Variants in EPHA4 observed in about 807,000 individuals in gnomAD.
EPHA4 encodes the protein EPH receptor A4.
A neutral mutation model predicts 108.3 loss-of-function variants in EPHA4; 19 were observed. The observed-to-expected ratio is 0.18, with a 90% CI of 0.12 to 0.26. The LOEUF is 0.26. Ranked by LOEUF, EPHA4 falls within the 10% of genes least tolerant of loss-of-function variation. The pLI is 1.00. For synonymous variants in EPHA4, 449 were observed against 455.5 expected (o/e 0.99, Z 0.18); for missense variants, 917 against 1,254.0 (o/e 0.73, Z 4.06).
Position 221,418,042 on chromosome 2 carries a change from C to A in EPHA4, c.*3330G>T, listed in dbSNP as rs748699310. 6.6e-6 allele frequency: 1 copy of A among 152,546 alleles called. No homozygotes were observed. The highest frequency in any genetic ancestry group is 1.5e-5 in the Non-Finnish European group (1 of 68,026). 9.4% of individuals were successfully genotyped at this position (152,546 alleles called of 1,614,324 possible). A position where few individuals can be genotyped will look rare whatever the true frequency, so the allele number is the denominator to read the frequency against. ...GACAACCAGATTGCAGGGTTGTATA[C>A]GGCAACTACTTTATTATTTTCAAAT... On this transcript the variant is annotated 3_prime_UTR_variant, in exon 18 of 18. Transcript: ENST00000281821.
intron 5 of EPHA4, among the ~76,000 whole-genome samples, chr2:221,459,119 C>T (rs1691058063): frequency 1.3e-5 from 2 of 152,078 alleles, no homozygotes; most frequent in African/African-American, 4.8e-5. Flanking sequence ...ATGGGAAAAG[C>T]TTCAAACCTG....
intron 3 of EPHA4, among the ~76,000 whole-genome samples, chr2:221,548,803 A>G (rs1466692038): frequency 6.6e-6 from 1 of 152,180 alleles, no homozygotes; most frequent in East Asian, 1.9e-4. Context: ...AGAGTACTCA[A>G]CATTCTATCT....
intron 1 of EPHA4, 87 bp downstream of exon 1, chr2:221,572,071 C>A (rs1171717620): frequency 9.0e-7 from 1 of 1,114,206 alleles, no homozygotes; most frequent in East Asian, 2.4e-5. Flanking sequence ...GCTCCCCCCG[C>A]ACCACCTGGC....
intron 16 of EPHA4, 97 bp downstream of exon 16, chr2:221,426,367 T>G (rs990728642): frequency 3.3e-5 from 47 of 1,423,444 alleles, no homozygotes; most frequent in Middle Eastern, 4.8e-4. Context: ...TCCAGATTTT[T>G]TTTAAATGAG....
At chr2:221,541,792 A>G (rs1266881919) in intron 3 of EPHA4, among the ~76,000 whole-genome samples, 1 of 152,198 alleles carries the variant, frequency 6.6e-6, no homozygotes, top group Non-Finnish European at 1.5e-5. Flanking sequence ...TGTACATTGC[A>G]TTTATACTTT....
At position 221,420,112 on chromosome 2, in the gene EPHA4, G is replaced by A. The variant is rs1689710346; in HGVS notation, c.*1260C>T. ...CATATCATAGGCAGCTCATGGAACT[G>A]GCTTTGTTTTGTGTGGTTGCACCTG... On this transcript the variant is annotated 3_prime_UTR_variant, in exon 18 of 18. Coordinates refer to ENST00000281821, the MANE Select transcript of EPHA4 (RefSeq NM_004438.5). 1 of 152,630 alleles carries A rather than the reference G, an allele frequency of 6.6e-6. No homozygotes were observed. Among genetic ancestry groups the A allele is most frequent in the South Asian group, 2.1e-4 (1 of 4,830 alleles). The allele number at this position is 152,630 out of a possible 1,614,324, so 9.5% of individuals were successfully genotyped here. A position where few individuals can be genotyped will look rare whatever the true frequency, so the allele number is the denominator to read the frequency against.
In EPHA4 at chr2:221,563,724, C is replaced by T. The variant is rs776437299; in HGVS notation, c.823+7G>A. 65 of 1,613,130 alleles carry T rather than the reference C, an allele frequency of 4.0e-5. No homozygotes were observed. The Admixed American group carries it at 6.5e-4, about 16-fold the overall frequency. On this transcript the variant is annotated splice_region_variant and intron_variant, in intron 3 of 17. Coordinates refer to ENST00000281821, the MANE Select transcript of EPHA4 (RefSeq NM_004438.5). The stretch of plus-strand genomic sequence containing the variant: ...CAGTGAAAAAACTGCAATATGGACC[C>T]TCTTACCTTGGCATTCTCCGCTCCG...
chr2:221,437,425 G>C (rs748273635), intron 11 of EPHA4: 1 of 246,790 alleles, frequency 4.1e-6, no homozygotes, highest in Non-Finnish European at 7.7e-6. Context: ...AAGCAAAAGG[G>C]GAAAATGATA....
chr2:221,462,371 A>T (rs983797688), intron 5 of EPHA4, among the ~76,000 whole-genome samples: 38 of 151,962 alleles, frequency 2.5e-4, no homozygotes, highest in African/African-American at 9.2e-4. Flanking sequence ...TATCCCCGAG[A>T]CCATCATTTT....
In EPHA4 at chr2:221,501,045, G is replaced by T; in HGVS notation, c.951C>A (p.Asp317Glu). 6.2e-7 allele frequency: 1 copy of T among 1,612,566 alleles called. No individual in the cohort carries two copies. Among genetic ancestry groups the T allele is most frequent in the East Asian group, 2.2e-5 (1 of 44,820 alleles). Residue 317 changes from aspartate (D) to glutamate (E), a missense_variant, in exon 4 of 18, where the codon GAC becomes GAA. Transcript: ENST00000281821. ...TGCAGGGCATAGAGGCAGCATCGTT[G>T]TCAGCTCTGAAAAAGCCTCGGTCAC... ...CTCDRGFFRA[D>E]NDAASMPCTR...
At position 221,496,603 on chromosome 2, in the gene EPHA4, A is replaced by G. The variant is rs183408311; in HGVS notation, c.979+4414T>C. Among the ~76,000 whole-genome samples the G allele has an allele frequency of 2.6e-3, 394 of 152,318 alleles. 1 individual carries two copies. The highest frequency in any genetic ancestry group is 8.8e-3 in the African/African-American group (364 of 41,572). ...GCAGTTAATGTTTAAGTTTAAAAAA[A>G]TACTTACAAGTTTAGTTCTGTTGGC... On this transcript the variant is annotated intron_variant, in intron 4 of 17. Coordinates refer to ENST00000281821, the MANE Select transcript of EPHA4 (RefSeq NM_004438.5).
intron 3 of EPHA4, among the ~76,000 whole-genome samples, chr2:221,560,627 A>G (rs1443869869): frequency 3.9e-5 from 6 of 152,244 alleles, no homozygotes. Flanking sequence ...CACAATGACA[A>G]CAGAAATGCT....
intron 4 of EPHA4, among the ~76,000 whole-genome samples, chr2:221,497,218 T>G (rs1692324822): frequency 6.6e-6 from 1 of 152,182 alleles, no homozygotes; most frequent in Non-Finnish European, 1.5e-5. Flanking sequence ...GCAAATTTTT[T>G]TTATTTCATT....
chr2:221,437,094 G>A lies in EPHA4; in HGVS notation c.2103C>T (p.Tyr701=), dbSNP rs1398342873. 2.5e-6 allele frequency: 4 copies of A among 1,612,588 alleles called. No homozygotes were observed. The African/African-American group carries it at 4.0e-5, about 16-fold the overall frequency. ...ATGCATCCAAGGAGCCATTCTCCATGTACTCTGTTATGATCATTACTGGTT... is the reference window on the plus strand; with the variant it reads ...ATGCATCCAAGGAGCCATTCTCCATATACTCTGTTATGATCATTACTGGTT... The part of the protein sequence containing the change: ...KCKPVMIITE[Y]MENGSLDAFL... The change falls in exon 12 of 18, where the codon TAC becomes TAT. Residue 701 remains tyrosine, a synonymous_variant. Transcript: ENST00000281821.
chr2:221,572,295 A>G lies in EPHA4; in HGVS notation c.-47T>C, dbSNP rs758459116. ...CTCCTGCCGCTTCTATCCCAGTGGA[A>G]TAAATGCTTAAGTTAGGAGAGCAGC... On this transcript the variant is annotated 5_prime_UTR_variant, in exon 1 of 18. Coordinates refer to ENST00000281821, the MANE Select transcript of EPHA4 (RefSeq NM_004438.5). 2.6e-6 allele frequency: 4 copies of G among 1,523,716 alleles called. No individual in the cohort carries two copies. The highest frequency in any genetic ancestry group is 3.6e-6 in the Non-Finnish European group (4 of 1,098,044). 94.4% of individuals were successfully genotyped at this position (1,523,716 alleles called of 1,614,324 possible).
chr2:221,475,095 T>C (rs1691616088), intron 5 of EPHA4, among the ~76,000 whole-genome samples: 2 of 152,192 alleles, frequency 1.3e-5, no homozygotes, highest in African/African-American at 2.4e-5. Flanking sequence ...GGTCTTGAAC[T>C]CTTGGGCTCA....
chr2:221,493,450 T>C (rs903459760), intron 4 of EPHA4, among the ~76,000 whole-genome samples: 8 of 151,790 alleles, frequency 5.3e-5, no homozygotes, highest in Admixed American at 1.3e-4. Context: ...CTTAAAAAAA[T>C]AAAAAATAAA....
chr2:221,550,824 G>C lies in EPHA4; in HGVS notation c.823+12907C>G, dbSNP rs1265227265. On this transcript the variant is annotated intron_variant, in intron 3 of 17. Coordinates refer to ENST00000281821, the MANE Select transcript of EPHA4 (RefSeq NM_004438.5). ...TTTTTTTTTTCTACAAATGCAAAGAGAGTTTATGGTTTATCACGAGAAAAA... is the reference window on the plus strand; with the variant it reads ...TTTTTTTTTTCTACAAATGCAAAGACAGTTTATGGTTTATCACGAGAAAAA... 2.0e-5 allele frequency among the ~76,000 whole-genome samples: 3 copies of C among 151,450 alleles called. No homozygotes were observed. In the East Asian group the frequency reaches 5.8e-4, roughly 29 times the overall value.
At chr2:221,550,594 A>G (rs1694130213) in intron 3 of EPHA4, among the ~76,000 whole-genome samples, 1 of 152,196 alleles carries the variant, frequency 6.6e-6, no homozygotes, top group East Asian at 1.9e-4. Context: ...AAGTATACCC[A>G]TGCAATAGGT....
Sources: allele counts gnomAD v4.1 joint callset (sites outside exome capture counted in the v4.1 genomes callset), GRCh38; gene constraint gnomAD v4.1.1; transcripts MANE v1.5; gene names NCBI Gene and HGNC (gene_info 2026-07-23, HGNC 2026-07-21).